PCDHGA6: variants seen among roughly 807,000 people sequenced by gnomAD.
PCDHGA6 encodes protocadherin gamma subfamily A, 6, also known as protocadherin gamma-A6.
In PCDHGA6, 41 loss-of-function variants were observed where a neutral mutation model predicts 60.6. That is an observed-to-expected ratio of 0.68 (90% CI 0.53 to 0.88). The LOEUF (loss-of-function observed/expected upper bound fraction) is 0.88. Ranked by LOEUF, PCDHGA6 falls within the 40% of genes least tolerant of loss-of-function variation. The pLI is 0.00. For missense variants in PCDHGA6, 1,312 were observed against 1,203.0 expected, an observed-to-expected ratio of 1.09 and a Z score of -1.34; for synonymous variants, 594 against 524.4, an observed-to-expected ratio of 1.13 and a Z score of -1.81.
chr5:141,465,273 G>A (rs949271610), intron 1 of PCDHGA6, among the ~76,000 whole-genome samples: 1 of 152,068 alleles, frequency 6.6e-6, no homozygotes, highest in Non-Finnish European at 1.5e-5. Context: ...TAGCCATTTA[G>A]TTCACCCCTA....
chr5:141,508,270 G>C lies in PCDHGA6; in HGVS notation c.2573-2677G>C, dbSNP rs547745015. On this transcript the variant is annotated intron_variant, in intron 3 of 3. Coordinates refer to ENST00000517434, the MANE Select transcript of PCDHGA6 (RefSeq NM_018919.3). Reference sequence around the variant, plus strand: ...TCTCCTGGGACCAAGAGAAAATCCCGGTCCTTGACCAAGGTGGGCCTTGGG... The same window carrying C: ...TCTCCTGGGACCAAGAGAAAATCCCCGTCCTTGACCAAGGTGGGCCTTGGG... 4 of 152,228 alleles carry C rather than the reference G, an allele frequency of 2.6e-5. No individual in the cohort carries two copies. The East Asian group carries it at 7.7e-4, about 29-fold the overall frequency. 9.4% of individuals were successfully genotyped at this position (152,228 alleles called of 1,614,324 possible). A position where few individuals can be genotyped will look rare whatever the true frequency, so the allele number is the denominator to read the frequency against.
chr5:141,476,839 G>A lies in PCDHGA6; in HGVS notation c.2425-17968G>A, dbSNP rs372676286. The A allele has an allele frequency of 5.0e-6, 8 of 1,613,490 alleles. No homozygotes were observed. Among genetic ancestry groups the A allele is most frequent in the South Asian group, 1.1e-5 (1 of 91,088 alleles). On this transcript the variant is annotated intron_variant, in intron 1 of 3. Transcript: ENST00000517434. The surrounding 1 kb of genome is among the most constrained non-coding windows in gnomAD (Gnocchi z 7.6). ...AGGTGCTGGACGCGAATGACAATGC[G>A]CCTGTCTTCAACCAGTCCTTGTACC...
chr5:141,503,268 C>A (rs1038268807), intron 2 of PCDHGA6, among the ~76,000 whole-genome samples: 6 of 152,068 alleles, frequency 3.9e-5, no homozygotes, highest in African/African-American at 7.2e-5. Context: ...AACCCCAGCA[C>A]CTGGCTCTGT....
chr5:141,484,959 C>A, intron 1 of PCDHGA6: 2 of 575,576 alleles, frequency 3.5e-6, no homozygotes, highest in Non-Finnish European at 6.2e-6. Flanking sequence ...ATTGGCTGAG[C>A]CCGGGAGCCG....
At chr5:141,467,748 G>A (rs186276272) in intron 1 of PCDHGA6, among the ~76,000 whole-genome samples, 22 of 151,912 alleles carry the variant, frequency 1.4e-4, no homozygotes, top group South Asian at 2.1e-4. Context: ...TGCAACCTCC[G>A]CCTCACATGC....
At chr5:141,402,019 C>A (rs1354499456) in intron 1 of PCDHGA6, among the ~76,000 whole-genome samples, 1 of 152,084 alleles carries the variant, frequency 6.6e-6, no homozygotes, top group Non-Finnish European at 1.5e-5. Flanking sequence ...GCATTTGAAT[C>A]ATTGAAACAC....
Position 141,493,360 on chromosome 5 carries a change from G to T in PCDHGA6, c.2425-1447G>T, listed in dbSNP as rs1364095483. Reference sequence around the variant, plus strand: ...CAGAATGTGTGCTTTTAATTTCTTGGCACTTGGAACTTTAAAAGCTTGAGG... The same window carrying T: ...CAGAATGTGTGCTTTTAATTTCTTGTCACTTGGAACTTTAAAAGCTTGAGG... On this transcript the variant is annotated intron_variant, in intron 1 of 3. Transcript: ENST00000517434. This position sits in a 1 kb window ranked among gnomAD's most constrained non-coding sequence, Gnocchi z 4.3. Among the ~76,000 whole-genome samples the T allele has an allele frequency of 6.6e-6, 1 of 152,144 alleles. No individual in the cohort carries two copies. The highest frequency in any genetic ancestry group is 1.5e-5 in the Non-Finnish European group (1 of 68,022).
rs1366118961 is a variant in PCDHGA6 at position 141,375,763 on chromosome 5, C to T, written c.1680C>T (p.Pro560=). The T allele has an allele frequency of 3.7e-6, 6 of 1,614,124 alleles. No homozygotes were observed. The African/African-American group carries it at 6.7e-5, about 18-fold the overall frequency. The change falls in exon 1 of 4, where the codon CCC becomes CCT. Residue 560 remains proline, a synonymous_variant. Transcript: ENST00000517434. ...TGCTGGACCAGAATGACAATGCGCC[C>T]GAGATCCTGTACCCCGCCCTCCCCA... ...LFVLDQNDNA[P]EILYPALPTD... is the part of the protein sequence containing the mutation.
chr5:141,413,932 G>T (rs762255781), intron 1 of PCDHGA6: 2 of 1,613,426 alleles, frequency 1.2e-6, no homozygotes, highest in Admixed American at 1.7e-5. Context: ...AGAATACCGA[G>T]TGAGTGTTCC....
intron 1 of PCDHGA6, chr5:141,398,793 A>C (rs376843278): frequency 6.2e-7 from 1 of 1,613,948 alleles, no homozygotes; most frequent in African/African-American, 1.3e-5. Context: ...ATCCACCCCT[A>C]AGCGGCACCA....
chr5:141,416,130 C>T (rs907950687), intron 1 of PCDHGA6: 1 of 154,098 alleles, frequency 6.5e-6, no homozygotes, highest in African/African-American at 2.4e-5. Context: ...ATATATTTTT[C>T]AATCTATACT....
At chr5:141,409,734 G>A in intron 1 of PCDHGA6, 1 of 1,613,144 alleles carries the variant, frequency 6.2e-7, no homozygotes, top group East Asian at 2.2e-5. Flanking sequence ...AGCGCGCAGA[G>A]CGGGGTGGTG....
At chr5:141,384,337 G>C (rs370533196) in intron 1 of PCDHGA6, 2 of 1,613,832 alleles carry the variant, frequency 1.2e-6, no homozygotes, top group Non-Finnish European at 1.7e-6. Flanking sequence ...ACAGGACCAC[G>C]ACAGTGAGGA....
At chr5:141,403,582 G>T in intron 1 of PCDHGA6, 1 of 1,613,910 alleles carries the variant, frequency 6.2e-7, no homozygotes. Context: ...CCCACCACCT[G>T]GTCCTCACGG....
intron 1 of PCDHGA6, chr5:141,398,825 C>A (rs747230922): frequency 6.2e-7 from 1 of 1,613,994 alleles, no homozygotes; most frequent in South Asian, 1.1e-5. Flanking sequence ...ATCCAGGTAA[C>A]CGACGCCAAT....
chr5:141,511,428 G>T lies in PCDHGA6; in HGVS notation c.*255G>T. 1 of 769,024 alleles carries T rather than the reference G, an allele frequency of 1.3e-6. No homozygotes were observed. The highest frequency in any genetic ancestry group is 2.0e-6 in the Non-Finnish European group (1 of 504,448). 47.6% of individuals were successfully genotyped at this position (769,024 alleles called of 1,614,324 possible). ...ACTGCTGTACCCATGGGGGTAGTGG[G>T]GTTACTGTAGACACCAAGAACCATT... On this transcript the variant is annotated 3_prime_UTR_variant, in exon 4 of 4. Transcript: ENST00000517434.
chr5:141,432,050 C>T lies in PCDHGA6; in HGVS notation c.2424+55543C>T. The stretch of plus-strand genomic sequence containing the variant: ...GACCGCCACTGACCGGGGAACCCCG[C>T]CCCTATCCACGGAAACTCATATCTC... On this transcript the variant is annotated intron_variant, in intron 1 of 3. Transcript: ENST00000517434. The surrounding 1 kb of genome is among the most constrained non-coding windows in gnomAD (Gnocchi z 6.0). The T allele has an allele frequency of 6.2e-7, 1 of 1,614,218 alleles. No individual in the cohort carries two copies. The highest frequency in any genetic ancestry group is 8.5e-7 in the Non-Finnish European group (1 of 1,180,044).
At chr5:141,392,625 C>T (rs939952294) in intron 1 of PCDHGA6, 4 of 567,662 alleles carry the variant, frequency 7.0e-6, no homozygotes, top group Non-Finnish European at 8.9e-6. Context: ...CGAAAACACT[C>T]AGATCTCACA....
chr5:141,404,490 T>G lies in PCDHGA6; in HGVS notation c.2424+27983T>G, dbSNP rs748668164. On this transcript the variant is annotated intron_variant, in intron 1 of 3. Transcript: ENST00000517434. Reference sequence around the variant, plus strand: ...GTCTCTATTAACTCAGACACTGGTGTGCTGTATGCTCTGTGCTCCTTTGAC... The same window carrying G: ...GTCTCTATTAACTCAGACACTGGTGGGCTGTATGCTCTGTGCTCCTTTGAC... 10 of 1,613,632 alleles carry G rather than the reference T, an allele frequency of 6.2e-6. No homozygotes were observed. The Admixed American group carries it at 1.2e-4, about 19-fold the overall frequency.
Sources: allele counts gnomAD v4.1 joint callset (sites outside exome capture counted in the v4.1 genomes callset), GRCh38; gene constraint gnomAD v4.1.1; non-coding constraint Gnocchi (gnomAD v3.1); transcripts MANE v1.5; gene names NCBI Gene and HGNC (gene_info 2026-07-23, HGNC 2026-07-21).